ADARB2: variants seen among roughly 807,000 people sequenced by gnomAD.
ADARB2 encodes the protein inactive double-stranded RNA-specific editase B2.
A neutral mutation model predicts 62.2 loss-of-function variants in ADARB2; 25 were observed. The ratio of observed to expected loss-of-function variants is 0.40; its 90% CI spans 0.29 to 0.56. ADARB2 has a LOEUF of 0.56. Among genes scored for constraint, ADARB2 ranks in the 20% least tolerant of loss-of-function variants. The pLI is 0.43. For synonymous variants in ADARB2, 572 were observed against 500.8 expected, an observed-to-expected ratio of 1.14 and a Z score of -1.90; for missense variants, 1,071 against 1,077.4, an observed-to-expected ratio of 0.99 and a Z score of 0.08.
At chr10:1,471,139 GT>G (rs1312948547) in intron 1 of ADARB2, among the ~76,000 whole-genome samples, 1 of 152,168 alleles carries the variant, frequency 6.6e-6, no homozygotes, top group Non-Finnish European at 1.5e-5. Context: ...CACAGGGGTG[GT>G]TTTTTCAACC....
chr10:1,418,195 G>A (rs992127390), intron 1 of ADARB2, among the ~76,000 whole-genome samples: 3 of 152,196 alleles, frequency 2.0e-5, no homozygotes, highest in Non-Finnish European at 4.4e-5. Context: ...TTTTGTTAAA[G>A]TGTCCACAGA....
intron 1 of ADARB2, among the ~76,000 whole-genome samples, chr10:1,595,225 A>C (rs1047202024): frequency 2.0e-5 from 3 of 152,224 alleles, no homozygotes; most frequent in Non-Finnish European, 2.9e-5. Flanking sequence ...AAAAAGATAA[A>C]AACTTTGCCC....
At chr10:1,510,460 G>A (rs925459437) in intron 1 of ADARB2, among the ~76,000 whole-genome samples, 4 of 152,166 alleles carry the variant, frequency 2.6e-5, no homozygotes, top group African/African-American at 9.7e-5. Flanking sequence ...GGGATGACAA[G>A]GGTGAGCCAC....
chr10:1,655,752 A>G (rs1834166114), intron 1 of ADARB2, among the ~76,000 whole-genome samples: 1 of 152,210 alleles, frequency 6.6e-6, no homozygotes, highest in Non-Finnish European at 1.5e-5. Context: ...GAGTAAGTTC[A>G]TGGAGGATCC....
At chr10:1,357,120 C>T (rs950223319) in intron 3 of ADARB2, among the ~76,000 whole-genome samples, 41 of 152,314 alleles carry the variant, frequency 2.7e-4, no homozygotes, top group Admixed American at 9.8e-4. Flanking sequence ...AGGGCAGAGA[C>T]GTGAAACCGA....
chr10:1,685,923 C>T (rs1019450934), intron 1 of ADARB2, among the ~76,000 whole-genome samples: 4 of 152,180 alleles, frequency 2.6e-5, no homozygotes, highest in South Asian at 2.1e-4. Flanking sequence ...GGCCTCTGCC[C>T]GGGACGGATG....
intron 3 of ADARB2, among the ~76,000 whole-genome samples, chr10:1,281,229 C>T (rs1831368186): frequency 6.6e-6 from 1 of 152,234 alleles, no homozygotes; most frequent in African/African-American, 2.4e-5. Context: ...CTCATCTCCA[C>T]TTAGGGGCTC....
At chr10:1,586,532 G>A (rs1248651117) in intron 1 of ADARB2, among the ~76,000 whole-genome samples, 3 of 152,186 alleles carry the variant, frequency 2.0e-5, no homozygotes, top group African/African-American at 7.2e-5. Flanking sequence ...CCAAGGTCAG[G>A]ATCTCACTTT....
intron 3 of ADARB2, among the ~76,000 whole-genome samples, chr10:1,300,513 A>G (rs1831563892): frequency 6.6e-6 from 1 of 152,218 alleles, no homozygotes; most frequent in African/African-American, 2.4e-5. Context: ...GTGCTCCTAT[A>G]ACACTTAAAA....
intron 3 of ADARB2, among the ~76,000 whole-genome samples, chr10:1,331,545 T>C (rs1831927858): frequency 1.3e-5 from 2 of 152,138 alleles, no homozygotes; most frequent in African/African-American, 4.8e-5. Context: ...AATAGGCAAA[T>C]CATAGAGACA....
chr10:1,664,312 G>A (rs1335434193), intron 1 of ADARB2, among the ~76,000 whole-genome samples: 2 of 152,108 alleles, frequency 1.3e-5, no homozygotes, highest in Non-Finnish European at 2.9e-5. Context: ...ATGCCTGTGG[G>A]TCAGTATCAA....
chr10:1,565,523 G>A (rs1279910790), intron 1 of ADARB2, among the ~76,000 whole-genome samples: 1 of 152,190 alleles, frequency 6.6e-6, no homozygotes, highest in African/African-American at 2.4e-5. Flanking sequence ...AGGGGAGGCA[G>A]CAGGGAAAGG....
chr10:1,589,500 C>T (rs1473536623), intron 1 of ADARB2, among the ~76,000 whole-genome samples: 3 of 152,024 alleles, frequency 2.0e-5, no homozygotes, highest in African/African-American at 7.3e-5. Flanking sequence ...GTCAGGACAT[C>T]CACGGTCGGG....
intron 4 of ADARB2, among the ~76,000 whole-genome samples, chr10:1,266,580 C>G (rs1312826673): frequency 6.6e-6 from 1 of 152,200 alleles, no homozygotes; most frequent in African/African-American, 2.4e-5. Flanking sequence ...GGGCCGCCTT[C>G]CCATCTGGGC....
In ADARB2 at chr10:1,388,446, T is replaced by C. The variant is rs1422803591; in HGVS notation, c.101-9286A>G. Among the ~76,000 whole-genome samples, 4 of 152,242 alleles carry C rather than the reference T, an allele frequency of 2.6e-5. No individual in the cohort carries two copies. The East Asian group carries it at 5.8e-4, about 22-fold the overall frequency. The stretch of plus-strand genomic sequence containing the variant: ...GGAAGTAGAACTGACTTTATCCTCA[T>C]GGCATGATCATATATGTAGAAATTC... On this transcript the variant is annotated intron_variant, in intron 1 of 9. Transcript: ENST00000381312.
chr10:1,648,021 T>C (rs1834068150), intron 1 of ADARB2, among the ~76,000 whole-genome samples: 1 of 152,224 alleles, frequency 6.6e-6, no homozygotes, highest in Non-Finnish European at 1.5e-5. Context: ...ATGTCTTCTC[T>C]GAGAGGGATA....
intron 6 of ADARB2, among the ~76,000 whole-genome samples, chr10:1,227,866 A>G (rs1011350571): frequency 2.6e-5 from 4 of 152,238 alleles, no homozygotes; most frequent in Non-Finnish European, 5.9e-5. Flanking sequence ...CCTAGTATTC[A>G]TTGTAATAAT....
rs1171793279 is a variant in ADARB2 at position 1,477,873 on chromosome 10, G to T, written c.101-98713C>A. On this transcript the variant is annotated intron_variant, in intron 1 of 9. Coordinates refer to ENST00000381312, the MANE Select transcript of ADARB2 (RefSeq NM_018702.4). This position sits in a 1 kb window ranked among gnomAD's most constrained non-coding sequence, Gnocchi z 4.5. The stretch of plus-strand genomic sequence containing the variant: ...GTGCCTCCCCAGAACGCTTCTCACA[G>T]GTGCACTGGGAGGTTCCCTCCTGCC... Among the ~76,000 whole-genome samples, 6 of 152,228 alleles carry T rather than the reference G, an allele frequency of 3.9e-5. No individual in the cohort carries two copies. Among genetic ancestry groups the T allele is most frequent in the African/African-American group, 1.4e-4 (6 of 41,462 alleles).
chr10:1,226,663 GTT>G, intron 6 of ADARB2, among the ~76,000 whole-genome samples: 1 of 152,204 alleles, frequency 6.6e-6, no homozygotes, highest in East Asian at 1.9e-4. Context: ...GTTGGAGTTT[GTT>G]AGAGGTCCAC....
Sources: allele counts gnomAD v4.1 joint callset (sites outside exome capture counted in the v4.1 genomes callset), GRCh38; gene constraint gnomAD v4.1.1; non-coding constraint Gnocchi (gnomAD v3.1); transcripts MANE v1.5; gene names NCBI Gene and HGNC (gene_info 2026-07-23, HGNC 2026-07-21).